RAB35: variants seen among roughly 807,000 people sequenced by gnomAD.
RAB35 encodes the protein ras-related protein Rab-35.
A neutral mutation model predicts 28.9 loss-of-function variants in RAB35; 4 were observed. The observed-to-expected ratio is 0.14, with a 90% confidence interval of 0.07 to 0.32. The LOEUF (loss-of-function observed/expected upper bound fraction) is 0.32. Among genes scored for constraint, RAB35 ranks in the 10% least tolerant of loss-of-function variants. The pLI, the probability that RAB35 is intolerant of heterozygous loss-of-function variation, is 1.00. For synonymous variants in RAB35, 99 were observed against 105.1 expected (o/e 0.94, Z 0.35); for missense variants, 128 against 274.0 (o/e 0.47, Z 3.76).
Position 120,108,409 on chromosome 12 carries a change from G to C in RAB35, c.103+8C>G, listed in dbSNP as rs1223613943. ...GACACCCCAGCAGCACTGCAGGGGA[G>C]GACTCACCTGAGAAAGTGTTGTCTG... On this transcript the variant is annotated splice_region_variant and intron_variant, in intron 2 of 5. Coordinates refer to ENST00000229340, the MANE Select transcript of RAB35 (RefSeq NM_006861.7). The C allele has an allele frequency of 6.2e-7, 1 of 1,611,702 alleles. No homozygotes were observed. The highest frequency in any genetic ancestry group is 1.7e-5 in the Admixed American group (1 of 60,014).
chr12:120,116,160 C>A (rs1037967338), intron 1 of RAB35, among the ~76,000 whole-genome samples: 26 of 152,142 alleles, frequency 1.7e-4, no homozygotes, highest in African/African-American at 5.8e-4. Flanking sequence ...CCGGGTAGGG[C>A]GCTACGCACT....
intron 1 of RAB35, among the ~76,000 whole-genome samples, chr12:120,113,470 C>T (rs746051119): frequency 2.0e-5 from 3 of 152,048 alleles, no homozygotes; most frequent in East Asian, 1.9e-4. Context: ...GGGATGCAGA[C>T]GACATGCTGT....
At chr12:120,105,571 T>C (rs2139054827) in intron 2 of RAB35, among the ~76,000 whole-genome samples, 1 of 152,152 alleles carries the variant, frequency 6.6e-6, no homozygotes, top group African/African-American at 2.4e-5. Context: ...ATTTAGTGGG[T>C]GGAGGCCAGG....
chr12:120,103,985 G>T lies in RAB35; in HGVS notation c.104-36C>A. The T allele has an allele frequency of 6.2e-7, 1 of 1,609,988 alleles. No individual in the cohort carries two copies. Among genetic ancestry groups the T allele is most frequent in the African/African-American group, 1.3e-5 (1 of 74,982 alleles). On this transcript the variant is annotated intron_variant, in intron 2 of 5. Transcript: ENST00000229340. The surrounding 1 kb of genome is among the most constrained non-coding windows in gnomAD (Gnocchi z 6.1). ...AGGGCAGTTAACGAGGCCCAGCGCGGTATCTTCCCAGGCCCTGAGCCCCAC... is the reference window on the plus strand; with the variant it reads ...AGGGCAGTTAACGAGGCCCAGCGCGTTATCTTCCCAGGCCCTGAGCCCCAC...
At chr12:120,107,644 A>G (rs1035523514) in intron 2 of RAB35, among the ~76,000 whole-genome samples, 13 of 152,066 alleles carry the variant, frequency 8.5e-5, no homozygotes, top group African/African-American at 3.1e-4. Flanking sequence ...AGGTGGGTGG[A>G]TCACCTGAGG....
At chr12:120,109,544 A>G (rs1412647276) in intron 1 of RAB35, among the ~76,000 whole-genome samples, 1 of 152,056 alleles carries the variant, frequency 6.6e-6, no homozygotes, top group African/African-American at 2.4e-5. Context: ...TCCTAGGCTC[A>G]AGTGATCCTC....
chr12:120,099,406 G>A lies in RAB35; in HGVS notation c.228-252C>T, dbSNP rs1875571305. 11 of 573,670 alleles carry A rather than the reference G, an allele frequency of 1.9e-5. 1 individual carries two copies. The South Asian group carries it at 2.3e-4, about 12-fold the overall frequency. 35.5% of individuals were successfully genotyped at this position (573,670 alleles called of 1,614,324 possible). A position where few individuals can be genotyped will look rare whatever the true frequency, so the allele number is the denominator to read the frequency against. ...GGAGGGCCAGCCCCTGGGCAGCAGAGCAGGTCTGAGGAGTCACCTCCTGCT... is the reference window on the plus strand; with the variant it reads ...GGAGGGCCAGCCCCTGGGCAGCAGAACAGGTCTGAGGAGTCACCTCCTGCT... On this transcript the variant is annotated intron_variant, in intron 3 of 5. Transcript: ENST00000229340.
intron 3 of RAB35, among the ~76,000 whole-genome samples, chr12:120,102,530 C>T (rs1875700748): frequency 6.6e-6 from 1 of 152,194 alleles, no homozygotes; most frequent in Non-Finnish European, 1.5e-5. Flanking sequence ...CCGGGCATCA[C>T]GGGCCACAGC....
At chr12:120,099,235 A>C in intron 3 of RAB35, 81 bp from the exon 4 acceptor site, 2 of 1,573,658 alleles carry the variant, frequency 1.3e-6, no homozygotes, top group Non-Finnish European at 1.7e-6. Flanking sequence ...CCACGTCAGG[A>C]CACTGACCCG....
rs3999541 is a variant in RAB35, at chr12:120,110,290, A to ATTTTTTTTTTTTT, written c.53-1836_53-1824dup. Among the ~76,000 whole-genome samples, 165 of 88,566 alleles carry ATTTTTTTTTTTTT rather than the reference A, an allele frequency of 1.9e-3. 20 individuals are homozygous for ATTTTTTTTTTTTT. Among genetic ancestry groups the ATTTTTTTTTTTTT allele is most frequent in the Admixed American group, 2.0e-3 (15 of 7,378 alleles). The allele number at this position is 88,566 out of a possible 152,430, so 58.1% of individuals were successfully genotyped here. A position where few individuals can be genotyped will look rare whatever the true frequency, so the allele number is the denominator to read the frequency against. ...TCTGTTCATGGGAGAAGCCCACAGC[A>ATTTTTTTTTTTTT]TTTTTTTTTTTTTTGGAGAGATAGG... On this transcript the variant is annotated intron_variant, in intron 1 of 5. Transcript: ENST00000229340.
chr12:120,099,320 G>A (rs1380658035), intron 3 of RAB35, 166 bp from the exon 4 acceptor site: 5 of 868,906 alleles, frequency 5.8e-6, no homozygotes, highest in Non-Finnish European at 8.7e-6. Flanking sequence ...CAACAGGCCA[G>A]CAGGAGAGGC....
At chr12:120,109,321 C>T (rs1876017813) in intron 1 of RAB35, among the ~76,000 whole-genome samples, 1 of 152,168 alleles carries the variant, frequency 6.6e-6, no homozygotes, top group Admixed American at 6.5e-5. Context: ...GGCGTGGTGG[C>T]ACATGCCTGT....
In RAB35 at chr12:120,099,291, G is replaced by A. The variant is rs866406922; in HGVS notation, c.228-137C>T. 1.0e-4 allele frequency: 114 copies of A among 1,140,342 alleles called. 2 individuals are homozygous for A. In the African/African-American group the frequency reaches 1.4e-3, roughly 14 times the overall value. 70.6% of individuals were successfully genotyped at this position (1,140,342 alleles called of 1,614,324 possible). On this transcript the variant is annotated intron_variant, in intron 3 of 5. Transcript: ENST00000229340. Reference sequence around the variant, plus strand: ...GGAGCCTGGGCTCTCACTCAGCCTCGGCAGATGCCCCCGAGCCACAACAGG... The same window carrying A: ...GGAGCCTGGGCTCTCACTCAGCCTCAGCAGATGCCCCCGAGCCACAACAGG...
intron 1 of RAB35, among the ~76,000 whole-genome samples, chr12:120,114,321 G>A (rs957092372): frequency 6.6e-6 from 1 of 152,236 alleles, no homozygotes; most frequent in Non-Finnish European, 1.5e-5. Flanking sequence ...TCAAACTCCT[G>A]TCTTCAGGTG....
chr12:120,109,657 CTTTTTTT>C (rs543003528), intron 1 of RAB35, among the ~76,000 whole-genome samples: 1 of 120,020 alleles, frequency 8.3e-6, no homozygotes, highest in Non-Finnish European at 1.8e-5. Context: ...GTTGCCCAGG[CTTTTTTT>C]TTTTTTTTTT....
chr12:120,110,434 T>C (rs1876072999), intron 1 of RAB35, among the ~76,000 whole-genome samples: 1 of 151,994 alleles, frequency 6.6e-6, no homozygotes, highest in African/African-American at 2.4e-5. Flanking sequence ...TAAAAATTTT[T>C]TGTAGAGATG....
intron 5 of RAB35, among the ~76,000 whole-genome samples, chr12:120,097,717 A>G (rs1875482479): frequency 1.3e-5 from 2 of 152,122 alleles, no homozygotes; most frequent in Middle Eastern, 3.2e-3. Context: ...ACTGCACTCC[A>G]GCCTGGATGA....
chr12:120,103,736 T>C lies in RAB35; in HGVS notation c.227+90A>G, dbSNP rs1369045494. ...CCCGACAGCCTCAGGGACCCACCAG[T>C]GACATTTCCACCATGACCAGGCACC... On this transcript the variant is annotated intron_variant, in intron 3 of 5. Coordinates refer to ENST00000229340, the MANE Select transcript of RAB35 (RefSeq NM_006861.7). This position sits in a 1 kb window ranked among gnomAD's most constrained non-coding sequence, Gnocchi z 6.1. 11 of 1,544,804 alleles carry C rather than the reference T, an allele frequency of 7.1e-6. No homozygotes were observed. The highest frequency in any genetic ancestry group is 9.7e-6 in the Non-Finnish European group (11 of 1,139,858).
chr12:120,095,663 C>T lies in RAB35; in HGVS notation c.*1582G>A, dbSNP rs531994096. ...CCTTCCCAGGCCCATGGGGCTCCCC[C>T]ACCCCATCCCGTGGCTCCAAAGTGA... On this transcript the variant is annotated 3_prime_UTR_variant, in exon 6 of 6. Coordinates refer to ENST00000229340, the MANE Select transcript of RAB35 (RefSeq NM_006861.7). The T allele has an allele frequency of 6.6e-6, 1 of 152,222 alleles. No homozygotes were observed. Among genetic ancestry groups the T allele is most frequent in the Non-Finnish European group, 1.5e-5 (1 of 68,138 alleles). 9.4% of individuals were successfully genotyped at this position (152,222 alleles called of 1,614,324 possible).
Sources: allele counts gnomAD v4.1 joint callset (sites outside exome capture counted in the v4.1 genomes callset), GRCh38; gene constraint gnomAD v4.1.1; non-coding constraint Gnocchi (gnomAD v3.1); transcripts MANE v1.5; gene names NCBI Gene and HGNC (gene_info 2026-07-23, HGNC 2026-07-21).